PPP5C: variants seen among roughly 807,000 people sequenced by gnomAD.
The protein encoded by PPP5C is protein phosphatase 5 catalytic subunit.
PPP5C carries 21 observed loss-of-function variants against 66.7 expected under a neutral mutation model. That is an observed-to-expected ratio of 0.31 (90% CI 0.22 to 0.45). The LOEUF (loss-of-function observed/expected upper bound fraction) is 0.45. Among genes scored for constraint, PPP5C ranks in the 20% least tolerant of loss-of-function variants. The pLI is 1.00. For missense variants in PPP5C, 464 were observed against 675.9 expected (o/e 0.69, Z 3.48); for synonymous variants, 246 against 257.4 (o/e 0.96, Z 0.43).
chr19:46,353,821 T>C lies in PPP5C; in HGVS notation c.195T>C (p.Tyr65=), dbSNP rs769681247. 2.5e-6 allele frequency: 4 copies of C among 1,613,656 alleles called. No individual in the cohort carries two copies. The highest frequency in any genetic ancestry group is 3.4e-6 in the Non-Finnish European group (4 of 1,179,902). Residue 65 remains tyrosine, a synonymous_variant, in exon 2 of 13, where the codon TAT becomes TAC. Coordinates refer to ENST00000012443, the MANE Select transcript of PPP5C (RefSeq NM_006247.4). ...TGAACCCCAGCAATGCCATCTACTA[T>C]GGCAACCGCAGCCTGGCCTACCTGC... ...IELNPSNAIY[Y]GNRSLAYLRT... is the part of the protein sequence containing the mutation.
rs559438517 is a variant in PPP5C at position 46,390,672 on chromosome 19, C to G, written c.*326C>G. The stretch of plus-strand genomic sequence containing the variant: ...CCCCCCTCATTTGCATGGCTCCTCC[C>G]CCACTCAAGCAATAGGGCCCCGCCA... On this transcript the variant is annotated 3_prime_UTR_variant, in exon 13 of 13. Transcript: ENST00000012443. 5.9e-5 allele frequency: 73 copies of G among 1,240,192 alleles called. No individual in the cohort carries two copies. In the African/African-American group the frequency reaches 1.1e-3, roughly 18 times the overall value. 76.8% of individuals were successfully genotyped at this position (1,240,192 alleles called of 1,614,324 possible). A position where few individuals can be genotyped will look rare whatever the true frequency, so the allele number is the denominator to read the frequency against.
At chr19:46,359,084 A>G (rs1972336770) in intron 2 of PPP5C, among the ~76,000 whole-genome samples, 1 of 152,076 alleles carries the variant, frequency 6.6e-6, no homozygotes, top group South Asian at 2.1e-4. Flanking sequence ...TCAGAGTCTG[A>G]GTGTCAGGGT....
At chr19:46,375,245 A>G (rs1291901972) in intron 2 of PPP5C, among the ~76,000 whole-genome samples, 1 of 152,052 alleles carries the variant, frequency 6.6e-6, no homozygotes, top group Non-Finnish European at 1.5e-5. Context: ...ATGCTCCGCC[A>G]CCTTGGTAGT....
intron 3 of PPP5C, 127 bp downstream of exon 3, chr19:46,375,878 T>A (rs1242634410): frequency 7.0e-7 from 1 of 1,422,700 alleles, no homozygotes; most frequent in Admixed American, 2.7e-5. Context: ...TGTCTGTCGC[T>A]CCTCTGCCTG....
At chr19:46,370,850 C>G (rs1972578381) in intron 2 of PPP5C, among the ~76,000 whole-genome samples, 1 of 152,090 alleles carries the variant, frequency 6.6e-6, no homozygotes, top group African/African-American at 2.4e-5. Flanking sequence ...ATACCATTCT[C>G]CTGCTTCAGC....
chr19:46,356,042 C>T (rs1365937665), intron 2 of PPP5C, among the ~76,000 whole-genome samples: 1 of 152,084 alleles, frequency 6.6e-6, no homozygotes. Context: ...GGGCCCAACC[C>T]CGCATACTCC....
At chr19:46,363,020 C>G (rs1231149649) in intron 2 of PPP5C, among the ~76,000 whole-genome samples, 3 of 151,054 alleles carry the variant, frequency 2.0e-5, no homozygotes, top group African/African-American at 7.3e-5. Flanking sequence ...ATCTCCTGAC[C>G]TCGTGATCCG....
intron 2 of PPP5C, among the ~76,000 whole-genome samples, chr19:46,354,638 A>G (rs1338195986): frequency 6.6e-6 from 1 of 152,114 alleles, no homozygotes; most frequent in African/African-American, 2.4e-5. Context: ...CTCTACAAAA[A>G]ATACAAAAAT....
chr19:46,383,949 G>A lies in PPP5C; in HGVS notation c.798+71G>A. 2.4e-6 allele frequency: 3 copies of A among 1,262,308 alleles called. No homozygotes were observed. The highest frequency in any genetic ancestry group is 3.5e-6 in the Non-Finnish European group (3 of 869,546). The allele number at this position is 1,262,308 out of a possible 1,614,324, so 78.2% of individuals were successfully genotyped here. A position where few individuals can be genotyped will look rare whatever the true frequency, so the allele number is the denominator to read the frequency against. On this transcript the variant is annotated intron_variant, in intron 6 of 12. Transcript: ENST00000012443. The surrounding 1 kb of genome is among the most constrained non-coding windows in gnomAD (Gnocchi z 5.0). ...CCGCAGCCTCAGGTCTGCACAGAGTGGGAGGAGCCCTTGCCAGGAAAAGAC... is the reference window on the plus strand; with the variant it reads ...CCGCAGCCTCAGGTCTGCACAGAGTAGGAGGAGCCCTTGCCAGGAAAAGAC...
chr19:46,349,476 A>T (rs1972145032), intron 1 of PPP5C, among the ~76,000 whole-genome samples: 1 of 152,106 alleles, frequency 6.6e-6, no homozygotes, highest in Non-Finnish European at 1.5e-5. Flanking sequence ...TTGGCCTCCA[A>T]CGGGAGCAGA....
intron 2 of PPP5C, among the ~76,000 whole-genome samples, chr19:46,361,216 A>G (rs6509263): frequency 0.54 from 78,140 of 144,160 alleles, 21,002 homozygotes; most frequent in South Asian, 0.74. Context: ...TGCAAGCTCC[A>G]CCTCCCGGAT....
chr19:46,389,855 C>T (rs1282869712), intron 11 of PPP5C, among the ~76,000 whole-genome samples, 196 bp from the exon 12 acceptor site: 3 of 151,828 alleles, frequency 2.0e-5, no homozygotes, highest in Non-Finnish European at 4.4e-5. Flanking sequence ...CTCTTTTCCC[C>T]ATCCCCATCC....
chr19:46,376,427 C>A lies in PPP5C; in HGVS notation c.512-26C>A. The A allele has an allele frequency of 6.2e-7, 1 of 1,610,846 alleles. No homozygotes were observed. Among genetic ancestry groups the A allele is most frequent in the Non-Finnish European group, 8.5e-7 (1 of 1,178,026 alleles). On this transcript the variant is annotated intron_variant, in intron 3 of 12. Coordinates refer to ENST00000012443, the MANE Select transcript of PPP5C (RefSeq NM_006247.4). This position sits in a 1 kb window ranked among gnomAD's most constrained non-coding sequence, Gnocchi z 5.1. ...CTCATAGTGGCTGTGGTCACTGACT[C>A]TCGTGTCCCGTTGTTCACACCCTAG...
chr19:46,347,650 G>T (rs1432695337), intron 1 of PPP5C, among the ~76,000 whole-genome samples: 3 of 150,598 alleles, frequency 2.0e-5, no homozygotes, highest in African/African-American at 4.9e-5. Flanking sequence ...CGTGGGGGTG[G>T]GGAATGGATC....
intron 1 of PPP5C, among the ~76,000 whole-genome samples, chr19:46,348,261 C>T (rs1482848673): frequency 6.6e-6 from 1 of 150,460 alleles, no homozygotes; most frequent in African/African-American, 2.4e-5. Flanking sequence ...GGACAGAGGC[C>T]AGATCATGCA....
intron 2 of PPP5C, among the ~76,000 whole-genome samples, chr19:46,363,307 C>CAAAAAAA (rs1158423038): frequency 7.2e-5 from 2 of 27,948 alleles, no homozygotes; most frequent in Non-Finnish European, 5.5e-5. Flanking sequence ...GACTCCATCT[C>CAAAAAAA]AAAAAAAAAA....
At position 46,383,881 on chromosome 19, in the gene PPP5C, A is replaced by G. The variant is rs1972838038; in HGVS notation, c.798+3A>G. 6.2e-7 allele frequency: 1 copy of G among 1,606,806 alleles called. No individual in the cohort carries two copies. Among genetic ancestry groups the G allele is most frequent in the Non-Finnish European group, 8.5e-7 (1 of 1,173,570 alleles). On this transcript the variant is annotated splice_donor_region_variant and intron_variant, in intron 6 of 12. Transcript: ENST00000012443. This position sits in a 1 kb window ranked among gnomAD's most constrained non-coding sequence, Gnocchi z 5.0. Reference sequence around the variant, plus strand: ...TACCCTCGGAGACCAACCCCTATGTATCCTTCTCAGCAGAGCCACCCTCTC... The same window carrying G: ...TACCCTCGGAGACCAACCCCTATGTGTCCTTCTCAGCAGAGCCACCCTCTC...
At chr19:46,353,507 G>C (rs1027194182) in intron 1 of PPP5C, among the ~76,000 whole-genome samples, 1 of 145,218 alleles carries the variant, frequency 6.9e-6, no homozygotes, top group Admixed American at 7.4e-5. Flanking sequence ...CTAGTGCCCA[G>C]CTTGGGGCTG....
intron 2 of PPP5C, among the ~76,000 whole-genome samples, chr19:46,373,209 G>A (rs1049712492): frequency 6.6e-5 from 10 of 152,248 alleles, no homozygotes; most frequent in African/African-American, 1.2e-4. Flanking sequence ...CCCCAGGGAC[G>A]AGAGGCCCAG....
Sources: allele counts gnomAD v4.1 joint callset (sites outside exome capture counted in the v4.1 genomes callset), GRCh38; gene constraint gnomAD v4.1.1; non-coding constraint Gnocchi (gnomAD v3.1); transcripts MANE v1.5; gene names NCBI Gene and HGNC (gene_info 2026-07-23, HGNC 2026-07-21).